Variants in WIPF2 observed in about 807,000 individuals in gnomAD.
WIPF2 encodes WAS/WASL-interacting protein family member 2.
Under a neutral mutation model 38.8 loss-of-function variants are expected in WIPF2, and 23 were observed. The ratio of observed to expected loss-of-function variants is 0.59; its 90% CI spans 0.43 to 0.84. The LOEUF (loss-of-function observed/expected upper bound fraction) is 0.84. Among genes scored for constraint, WIPF2 ranks in the 40% least tolerant of loss-of-function variants. The probability of loss-of-function intolerance (pLI) is 0.00; values close to 1 mark genes in which losing one functional copy is unlikely to be tolerated. For synonymous variants in WIPF2, 210 were observed against 223.2 expected (o/e 0.94, Z 0.53); for missense variants, 574 against 580.5 (o/e 0.99, Z 0.11).
At chr17:40,259,121 C>T (rs996951943) in intron 2 of WIPF2, among the ~76,000 whole-genome samples, 3 of 148,230 alleles carry the variant, frequency 2.0e-5, no homozygotes, top group Non-Finnish European at 3.0e-5. Context: ...TCAAGTGATC[C>T]TTTTGCCTGG....
intron 1 of WIPF2, among the ~76,000 whole-genome samples, chr17:40,237,395 A>G (rs2031017877): frequency 6.6e-6 from 1 of 150,806 alleles, no homozygotes; most frequent in Non-Finnish European, 1.5e-5. Flanking sequence ...CGTGCGCCAC[A>G]ACGCCCGCCT....
intron 5 of WIPF2, among the ~76,000 whole-genome samples, chr17:40,267,091 G>A (rs140235217): frequency 5.7e-4 from 87 of 152,248 alleles, no homozygotes; most frequent in African/African-American, 2.0e-3. Context: ...GAGTGTGGGT[G>A]GACTAGGGAA....
intron 5 of WIPF2, chr17:40,273,518 A>C: frequency 2.3e-6 from 1 of 430,336 alleles, no homozygotes; most frequent in Non-Finnish European, 4.1e-6. Context: ...GACCTGAATT[A>C]GAATTGTGGA....
rs1555557727 is a variant in WIPF2, at chr17:40,219,362, G to GGGCGGCGGCGGC, written c.-195_-194insCGGCGGCGGCGG. The GGGCGGCGGCGGC allele has an allele frequency of 2.1e-5, 8 of 378,386 alleles. No individual in the cohort carries two copies. The highest frequency in any genetic ancestry group is 1.4e-4 in the East Asian group (2 of 14,672). The allele number at this position is 378,386 out of a possible 1,614,324, so 23.4% of individuals were successfully genotyped here. On this transcript the variant is annotated 5_prime_UTR_variant, in exon 1 of 8. Transcript: ENST00000323571. ...AGATCCATTTCCGGGTTGGCAAAAG[G>GGGCGGCGGCGGC]GGCGGTGGCGGCGGCGGCGGCGGCG... is the stretch of plus-strand genomic sequence containing the variant.
At chr17:40,270,145 C>T (rs1224511571) in intron 5 of WIPF2, among the ~76,000 whole-genome samples, 1 of 150,494 alleles carries the variant, frequency 6.6e-6, no homozygotes, top group East Asian at 2.0e-4. Flanking sequence ...GCGGGCAGAT[C>T]ATGAGGTCAG....
chr17:40,247,800 C>G (rs1432231959), intron 1 of WIPF2, among the ~76,000 whole-genome samples: 2 of 152,084 alleles, frequency 1.3e-5, no homozygotes, highest in Non-Finnish European at 2.9e-5. Context: ...GGATTATAGG[C>G]TGAGCCAGTG....
At chr17:40,264,447 T>G (rs1376087212) in intron 4 of WIPF2, 43 bp from the exon 5 acceptor site, 1 of 1,592,590 alleles carries the variant, frequency 6.3e-7, no homozygotes, top group African/African-American at 1.4e-5. Context: ...CTGACCAATA[T>G]CTGTCCAGCT....
At chr17:40,236,374 T>G (rs2030967910) in intron 1 of WIPF2, among the ~76,000 whole-genome samples, 1 of 152,118 alleles carries the variant, frequency 6.6e-6, no homozygotes, top group African/African-American at 2.4e-5. Context: ...AGAATTGCTC[T>G]GTTGCCCAGG....
At position 40,264,811 on chromosome 17, in the gene WIPF2, C is replaced by CAAA. The variant is rs759190644; in HGVS notation, c.635_636insAAA (p.Thr212_Pro213insLys). ...AACAGAGAGAAACCCTTGCCACCGA[C>CAAA]GCCTGGACAAAGGCTTCACCCTGGT... On this transcript the variant is annotated inframe_insertion, in exon 5 of 8. Coordinates refer to ENST00000323571, the MANE Select transcript of WIPF2 (RefSeq NM_133264.5). The CAAA allele has an allele frequency of 7.4e-6, 12 of 1,613,584 alleles. No homozygotes were observed. The highest frequency in any genetic ancestry group is 1.3e-5 in the African/African-American group (1 of 74,930).
At chr17:40,274,502 A>G (rs758479187) in intron 6 of WIPF2, among the ~76,000 whole-genome samples, 5 of 142,624 alleles carry the variant, frequency 3.5e-5, no homozygotes, top group Non-Finnish European at 6.0e-5. Flanking sequence ...TGGCCTCCCA[A>G]AGTGCTGGGA....
intron 1 of WIPF2, chr17:40,220,631 A>ATATATATATATATATATATATATT: frequency 8.1e-6 from 1 of 124,022 alleles, no homozygotes; most frequent in African/African-American, 3.2e-5. Context: ...ATATATATAT[A>ATATATATATATATATATATATATT]TTTTTTTGTT....
chr17:40,236,454 C>T (rs183566847), intron 1 of WIPF2, among the ~76,000 whole-genome samples: 289 of 150,340 alleles, frequency 1.9e-3, no homozygotes, highest in South Asian at 0.013. Context: ...TCTTTTGCCT[C>T]AGCCTCCCGA....
rs750100141 is a variant in WIPF2 at position 40,264,478 on chromosome 17, A to G, written c.314-12A>G. ...CAGCTCTGTTGACCCTGTGTTGTCT[A>G]TGTATTTGTAGAGAACCTAGCTGGT... On this transcript the variant is annotated splice_polypyrimidine_tract_variant and intron_variant, in intron 4 of 7. Coordinates refer to ENST00000323571, the MANE Select transcript of WIPF2 (RefSeq NM_133264.5). 1.5e-5 allele frequency: 24 copies of G among 1,613,758 alleles called. No homozygotes were observed. The highest frequency in any genetic ancestry group is 1.9e-5 in the Non-Finnish European group (22 of 1,179,924).
chr17:40,244,579 G>A (rs1053012954), intron 1 of WIPF2, among the ~76,000 whole-genome samples: 1 of 152,146 alleles, frequency 6.6e-6, no homozygotes, highest in African/African-American at 2.4e-5. Flanking sequence ...ATAACCGATC[G>A]AACTTCTGGT....
chr17:40,248,643 T>A (rs961826428), intron 1 of WIPF2, among the ~76,000 whole-genome samples: 1 of 152,192 alleles, frequency 6.6e-6, no homozygotes, highest in Non-Finnish European at 1.5e-5. Context: ...TCTCTGATGC[T>A]GTTAGAGAGA....
intron 1 of WIPF2, 150 bp from the exon 2 acceptor site, chr17:40,256,241 C>A: frequency 1.8e-6 from 1 of 548,836 alleles, no homozygotes; most frequent in South Asian, 3.4e-5. Context: ...TTGATTTAAA[C>A]AGATTTACCA....
intron 1 of WIPF2, among the ~76,000 whole-genome samples, chr17:40,237,707 G>A (rs968691118): frequency 2.0e-5 from 3 of 149,544 alleles, no homozygotes; most frequent in Non-Finnish European, 4.4e-5. Flanking sequence ...GTGCAGTGGC[G>A]TGATCTCGGC....
rs1195865799 is a variant in WIPF2 at position 40,256,256 on chromosome 17, C to T, written c.-69-135C>T. 4.2e-5 allele frequency: 27 copies of T among 645,052 alleles called. 1 individual carries two copies. The South Asian group carries it at 6.1e-4, about 14-fold the overall frequency. 40.0% of individuals were successfully genotyped at this position (645,052 alleles called of 1,614,324 possible). The stretch of plus-strand genomic sequence containing the variant: ...TTGATTTAAACAGATTTACCAAGCC[C>T]TGGACTGTATCACAGTGGAACTAAA... On this transcript the variant is annotated intron_variant, in intron 1 of 7. Coordinates refer to ENST00000323571, the MANE Select transcript of WIPF2 (RefSeq NM_133264.5).
intron 1 of WIPF2, among the ~76,000 whole-genome samples, chr17:40,227,430 A>G (rs548411268): frequency 3.3e-4 from 50 of 152,318 alleles, no homozygotes; most frequent in African/African-American, 9.6e-4. Context: ...GAATCCACTA[A>G]GGAGTATGTA....
Sources: gnomAD v4.1 joint callset for allele counts (sites outside exome capture counted in the v4.1 genomes callset) on GRCh38, gnomAD v4.1.1 for gene constraint, MANE v1.5 for transcripts, NCBI Gene and HGNC (gene_info 2026-07-23, HGNC 2026-07-21) for gene names.